EGFLAM: variants seen among roughly 807,000 people sequenced by gnomAD.
The protein encoded by EGFLAM is EGF like, fibronectin type III and laminin G domains, also known as pikachurin.
EGFLAM carries 79 observed loss-of-function variants against 113.1 expected under a neutral mutation model. The ratio of observed to expected loss-of-function variants is 0.70; its 90% CI spans 0.58 to 0.84. The LOEUF (loss-of-function observed/expected upper bound fraction) is 0.84. Ranked by LOEUF, EGFLAM falls within the 40% of genes least tolerant of loss-of-function variation. The probability of loss-of-function intolerance (pLI) is 0.00; values close to 1 mark genes in which losing one functional copy is unlikely to be tolerated. For synonymous variants in EGFLAM, 504 were observed against 487.6 expected, an observed-to-expected ratio of 1.03 and a Z score of -0.44; for missense variants, 1,265 against 1,291.6, an observed-to-expected ratio of 0.98 and a Z score of 0.32.
rs954177482 is a variant in EGFLAM at position 38,412,537 on chromosome 5, A to T, written c.1383A>T (p.Val461=). 19 of 1,614,130 alleles carry T rather than the reference A, an allele frequency of 1.2e-5. No homozygotes were observed. Among genetic ancestry groups the T allele is most frequent in the Non-Finnish European group, 1.6e-5 (19 of 1,180,006 alleles). ...GTGGAACTGGGGTTGCCATCATCGT[A>T]AGTGAGACCAAAATCAAACTAGGGG... is the stretch of plus-strand genomic sequence containing the variant. ...FNCGTGVAII[V]SETKIKLGGW... The change falls in exon 11 of 22, where the codon GTA becomes GTT. Residue 461 remains valine, a synonymous_variant. Transcript: ENST00000322350.
intron 6 of EGFLAM, among the ~76,000 whole-genome samples, chr5:38,377,342 C>T (rs112301880): frequency 0.019 from 2,928 of 152,006 alleles, 91 homozygotes; most frequent in African/African-American, 0.067. Flanking sequence ...TGAGGTTTCA[C>T]CATGTTGGCC....
At chr5:38,291,462 C>T (rs1758329528) in intron 1 of EGFLAM, among the ~76,000 whole-genome samples, 1 of 152,200 alleles carries the variant, frequency 6.6e-6, no homozygotes, top group African/African-American at 2.4e-5. Flanking sequence ...GCAGTTTCCA[C>T]TCCTGAGTAG....
intron 17 of EGFLAM, among the ~76,000 whole-genome samples, chr5:38,440,894 C>A (rs373631021): frequency 1.3e-5 from 2 of 152,282 alleles, no homozygotes; most frequent in Middle Eastern, 3.4e-3. Flanking sequence ...TCTTTTTCAG[C>A]CTCATCAGAG....
chr5:38,393,777 C>T (rs367692736), intron 6 of EGFLAM, among the ~76,000 whole-genome samples: 1 of 152,220 alleles, frequency 6.6e-6, no homozygotes, highest in Admixed American at 6.5e-5. Flanking sequence ...AAGCATGTTA[C>T]CACCAATGCT....
intron 1 of EGFLAM, among the ~76,000 whole-genome samples, chr5:38,265,508 C>G (rs761776065): frequency 3.9e-5 from 6 of 152,222 alleles, no homozygotes; most frequent in Non-Finnish European, 7.3e-5. Context: ...AGAGATGCAC[C>G]TGCTATTTCA....
intron 6 of EGFLAM, among the ~76,000 whole-genome samples, chr5:38,386,668 A>G (rs777577288): frequency 1.3e-5 from 2 of 152,026 alleles, no homozygotes; most frequent in Middle Eastern, 3.2e-3. Flanking sequence ...CACCACTCCC[A>G]GCTAATTTTT....
rs1162762652 is a variant in EGFLAM at position 38,425,077 on chromosome 5, C to A, written c.1795C>A (p.Arg599=). 2 of 1,613,682 alleles carry A rather than the reference C, an allele frequency of 1.2e-6. No individual in the cohort carries two copies. Among genetic ancestry groups the A allele is most frequent in the Admixed American group, 1.7e-5 (1 of 59,988 alleles). Residue 599 remains arginine (R), a synonymous_variant, in exon 13 of 22, where the codon CGA becomes AGA. Coordinates refer to ENST00000322350, the MANE Select transcript of EGFLAM (RefSeq NM_152403.4). ...CCTCTGTCCCCTTGGGTTTAAAGGT[C>A]GACACTGTGAAGATGGTGAGAAAGA... is the stretch of plus-strand genomic sequence containing the variant. ...ICLCPLGFKG[R]HCEDAFTLTI... is the part of the protein sequence containing the mutation.
chr5:38,334,966 A>C (rs1739146212), intron 1 of EGFLAM, among the ~76,000 whole-genome samples: 1 of 152,124 alleles, frequency 6.6e-6, no homozygotes, highest in South Asian at 2.1e-4. Context: ...CGGGTTGGGG[A>C]GTACTACTGT....
chr5:38,463,641 T>C (rs997245786), intron 21 of EGFLAM, among the ~76,000 whole-genome samples, 191 bp from the exon 22 acceptor site: 1 of 152,206 alleles, frequency 6.6e-6, no homozygotes, highest in African/African-American at 2.4e-5. Context: ...AATCTGTTCC[T>C]TCAAGGATAA....
At chr5:38,356,264 T>C (rs1001436922) in intron 5 of EGFLAM, among the ~76,000 whole-genome samples, 1 of 152,246 alleles carries the variant, frequency 6.6e-6, no homozygotes, top group African/African-American at 2.4e-5. Context: ...ATTCTGCCTC[T>C]ATCTCTTCCA....
intron 6 of EGFLAM, among the ~76,000 whole-genome samples, chr5:38,373,439 A>G (rs1050017280): frequency 6.6e-6 from 1 of 151,924 alleles, no homozygotes; most frequent in Non-Finnish European, 1.5e-5. Context: ...TGGAGTCCCC[A>G]TTGTCTCTCA....
chr5:38,455,147 C>A (rs900540120), intron 19 of EGFLAM, among the ~76,000 whole-genome samples: 16 of 152,136 alleles, frequency 1.1e-4, no homozygotes, highest in Non-Finnish European at 1.8e-4. Context: ...TTGACATTAG[C>A]AAAGTGCCTT....
chr5:38,423,445 C>T (rs953146572), intron 12 of EGFLAM, among the ~76,000 whole-genome samples: 1 of 152,206 alleles, frequency 6.6e-6, no homozygotes, highest in Admixed American at 6.5e-5. Flanking sequence ...CCCCTACCCC[C>T]ACCTCTTAAA....
chr5:38,463,014 A>C lies in EGFLAM; in HGVS notation c.2875+3A>C. 6 of 1,612,180 alleles carry C rather than the reference A, an allele frequency of 3.7e-6. No homozygotes were observed. The highest frequency in any genetic ancestry group is 5.1e-6 in the Non-Finnish European group (6 of 1,178,712). On this transcript the variant is annotated splice_donor_region_variant and intron_variant, in intron 21 of 21. Transcript: ENST00000322350. The stretch of plus-strand genomic sequence containing the variant: ...CATCAATGGAGCTCTGTATGTGGGT[A>C]AGTGACCGACCCTCGACCAAAGCAA...
chr5:38,431,699 A>G lies in EGFLAM; in HGVS notation c.2166+411A>G, dbSNP rs73749250. ...TAAGTCCAGACTCCTGGGGCTCAAA[A>G]TCTGGCTCAATTACTTACCAGTGGT... On this transcript the variant is annotated intron_variant, in intron 15 of 21. Coordinates refer to ENST00000322350, the MANE Select transcript of EGFLAM (RefSeq NM_152403.4). 8.2e-3 allele frequency among the ~76,000 whole-genome samples: 1,244 copies of G among 152,278 alleles called. 14 individuals carry two copies. The highest frequency in any genetic ancestry group is 0.029 in the African/African-American group (1,192 of 41,540).
At chr5:38,353,444 A>G (rs1455407518) in intron 5 of EGFLAM, among the ~76,000 whole-genome samples, 1 of 152,148 alleles carries the variant, frequency 6.6e-6, no homozygotes. Flanking sequence ...CTGGTTCGGG[A>G]CCTCATTCCT....
chr5:38,339,451 A>T (rs890299159), intron 3 of EGFLAM, among the ~76,000 whole-genome samples: 1 of 152,172 alleles, frequency 6.6e-6, no homozygotes, highest in African/African-American at 2.4e-5. Context: ...TCATAACACT[A>T]TTATAATGGT....
chr5:38,259,878 A>G (rs1164622394), intron 1 of EGFLAM, among the ~76,000 whole-genome samples: 2 of 152,236 alleles, frequency 1.3e-5, no homozygotes, highest in Non-Finnish European at 2.9e-5. Context: ...GAGGGCAGAG[A>G]AAATCGTCTT....
intron 1 of EGFLAM, among the ~76,000 whole-genome samples, chr5:38,301,962 A>G (rs935611618): frequency 6.6e-6 from 1 of 152,102 alleles, no homozygotes; most frequent in African/African-American, 2.4e-5. Flanking sequence ...AGATCAGGCC[A>G]GGGGCGGTGG....
Sources: allele counts gnomAD v4.1 joint callset (sites outside exome capture counted in the v4.1 genomes callset), GRCh38; gene constraint gnomAD v4.1.1; transcripts MANE v1.5; gene names NCBI Gene and HGNC (gene_info 2026-07-23, HGNC 2026-07-21).